The following ATN1 variants were observed in gnomAD, a reference collection of about 807,000 sequenced individuals.
The protein encoded by ATN1 is atrophin 1.
In ATN1, 19 loss-of-function variants were observed where a neutral mutation model predicts 85.8. The observed-to-expected ratio is 0.22, with a 90% CI of 0.15 to 0.32. The LOEUF is 0.32. Among genes scored for constraint, ATN1 ranks in the 10% least tolerant of loss-of-function variants. The pLI is 1.00. For synonymous variants in ATN1, 674 were observed against 657.0 expected, an observed-to-expected ratio of 1.03 and a Z score of -0.39; for missense variants, 1,453 against 1,564.5, an observed-to-expected ratio of 0.93 and a Z score of 1.20.
Position 6,937,643 on chromosome 12 carries a change from G to A in ATN1, c.2294+82G>A, listed in dbSNP as rs1331042250. On this transcript the variant is annotated intron_variant, in intron 5 of 9. Coordinates refer to ENST00000396684, the MANE Select transcript of ATN1 (RefSeq NM_001940.4). This position sits in a 1 kb window ranked among gnomAD's most constrained non-coding sequence, Gnocchi z 6.0. ...GACGAGAGAGGGAGTAGCAGGGAGG[G>A]GCCTTGCGCTGGTGTAGTGTTTTAG... 2 of 1,433,144 alleles carry A rather than the reference G, an allele frequency of 1.4e-6. No homozygotes were observed. Among genetic ancestry groups the A allele is most frequent in the Non-Finnish European group, 1.8e-6 (2 of 1,091,440 alleles). The allele number at this position is 1,433,144 out of a possible 1,614,324, so 88.8% of individuals were successfully genotyped here.
At position 6,941,045 on chromosome 12, in the gene ATN1, G is replaced by A; in HGVS notation, c.3358+22G>A. 1 of 1,613,618 alleles carries A rather than the reference G, an allele frequency of 6.2e-7. No homozygotes were observed. Among genetic ancestry groups the A allele is most frequent in the Non-Finnish European group, 8.5e-7 (1 of 1,179,654 alleles). On this transcript the variant is annotated intron_variant, in intron 8 of 9. Coordinates refer to ENST00000396684, the MANE Select transcript of ATN1 (RefSeq NM_001940.4). This position sits in a 1 kb window ranked among gnomAD's most constrained non-coding sequence, Gnocchi z 5.9. ...TTTGGTAAGGATGGAAGTTGGGGTA[G>A]GCAGCTCCAATGAGAAAAGGGCAGA...
Position 6,941,185 on chromosome 12 carries a change from C to T in ATN1, c.3358+162C>T, listed in dbSNP as rs1343329409. ...GCTGGAGCTCTGCCCAAGAGAAGCA[C>T]GAGTTTTAGTGTCAGCCTAAGAGGT... On this transcript the variant is annotated intron_variant, in intron 8 of 9. Coordinates refer to ENST00000396684, the MANE Select transcript of ATN1 (RefSeq NM_001940.4). The surrounding 1 kb of genome is among the most constrained non-coding windows in gnomAD (Gnocchi z 5.9). Among the ~76,000 whole-genome samples, 5 of 152,154 alleles carry T rather than the reference C, an allele frequency of 3.3e-5. No homozygotes were observed. Among genetic ancestry groups the T allele is most frequent in the African/African-American group, 1.2e-4 (5 of 41,432 alleles).
intron 1 of ATN1, among the ~76,000 whole-genome samples, chr12:6,931,187 C>T (rs1320747529): frequency 1.3e-5 from 2 of 152,192 alleles, no homozygotes; most frequent in African/African-American, 4.8e-5. Context: ...ACTTGGTGAA[C>T]AGGTTCTGTG....
chr12:6,941,332 G>T lies in ATN1; in HGVS notation c.3359-42G>T. 3 of 1,549,266 alleles carry T rather than the reference G, an allele frequency of 1.9e-6. No individual in the cohort carries two copies. The highest frequency in any genetic ancestry group is 2.6e-6 in the Non-Finnish European group (3 of 1,149,034). ...ATCCCCTGGTCCAGAGCAGGTACTT[G>T]TTATCCGTTGGTCATATGCCCCTTG... On this transcript the variant is annotated intron_variant, in intron 8 of 9. Transcript: ENST00000396684. The surrounding 1 kb of genome is among the most constrained non-coding windows in gnomAD (Gnocchi z 5.9).
chr12:6,940,165 T>C (rs1279794502), intron 7 of ATN1, among the ~76,000 whole-genome samples: 4 of 152,176 alleles, frequency 2.6e-5, no homozygotes, highest in African/African-American at 4.8e-5. Context: ...CTAATTTTTG[T>C]ATTTTTAGTA....
Position 6,934,893 on chromosome 12 carries a change from T to TTTTG in ATN1, c.279+327_279+330dup, listed in dbSNP as rs1291598698. Among the ~76,000 whole-genome samples, 3 of 151,860 alleles carry TTTTG rather than the reference T, an allele frequency of 2.0e-5. No individual in the cohort carries two copies. The highest frequency in any genetic ancestry group is 4.1e-4 in the South Asian group (2 of 4,822). On this transcript the variant is annotated intron_variant, in intron 4 of 9. Coordinates refer to ENST00000396684, the MANE Select transcript of ATN1 (RefSeq NM_001940.4). The surrounding 1 kb of genome is among the most constrained non-coding windows in gnomAD (Gnocchi z 4.5). Reference sequence around the variant, plus strand: ...GTGGTCTTTCTTTTTTATTGTTTTTTTTTGTTTGTTTGTTTTTGAGACAGT... The same window carrying TTTTG: ...GTGGTCTTTCTTTTTTATTGTTTTTTTTTGTTTGTTTGTTTGTTTTTGAGACAGT...
Position 6,937,619 on chromosome 12 carries a change from A to G in ATN1, c.2294+58A>G. 6.9e-7 allele frequency: 1 copy of G among 1,448,360 alleles called. No homozygotes were observed. Among genetic ancestry groups the G allele is most frequent in the Non-Finnish European group, 9.1e-7 (1 of 1,101,482 alleles). 89.7% of individuals were successfully genotyped at this position (1,448,360 alleles called of 1,614,324 possible). ...GAAAGGGGACGACGACAAGGCGGCG[A>G]CGAGAGAGGGAGTAGCAGGGAGGGG... On this transcript the variant is annotated intron_variant, in intron 5 of 9. Transcript: ENST00000396684. The surrounding 1 kb of genome is among the most constrained non-coding windows in gnomAD (Gnocchi z 6.0).
Position 6,942,188 on chromosome 12 carries a change from C to G in ATN1, c.*408C>G, listed in dbSNP as rs1555144856. 1 of 228,076 alleles carries G rather than the reference C, an allele frequency of 4.4e-6. No homozygotes were observed. The highest frequency in any genetic ancestry group is 8.8e-6 in the Non-Finnish European group (1 of 113,122). The allele number at this position is 228,076 out of a possible 1,614,324, so 14.1% of individuals were successfully genotyped here. On this transcript the variant is annotated 3_prime_UTR_variant, in exon 10 of 10. Coordinates refer to ENST00000396684, the MANE Select transcript of ATN1 (RefSeq NM_001940.4). ...CCCTCCCCGATCCCTGTGTGCGCGC[C>G]CCCTCTGCAATGTATGCCCCTTGCC... is the stretch of plus-strand genomic sequence containing the variant.
chr12:6,940,757 G>T, intron 7 of ATN1, 123 bp from the exon 8 acceptor site: 1 of 1,247,816 alleles, frequency 8.0e-7, no homozygotes. Context: ...CTCTGCCTTT[G>T]TTCCACTTTG....
upstream of ATN1, among the ~76,000 whole-genome samples, chr12:6,925,242 C>T (rs1194457049): frequency 6.6e-6 from 1 of 152,032 alleles, no homozygotes; most frequent in African/African-American, 2.4e-5. Flanking sequence ...TTTTGTGACT[C>T]TCACCATCCC....
chr12:6,932,174 C>A (rs781865976), intron 1 of ATN1, among the ~76,000 whole-genome samples: 1 of 152,120 alleles, frequency 6.6e-6, no homozygotes, highest in Non-Finnish European at 1.5e-5. Flanking sequence ...AGACTCACCC[C>A]TTACTGCCTG....
chr12:6,940,975 C>T lies in ATN1; in HGVS notation c.3310C>T (p.Leu1104Phe). The T allele has an allele frequency of 1.9e-6, 3 of 1,614,234 alleles. No homozygotes were observed. Among genetic ancestry groups the T allele is most frequent in the Non-Finnish European group, 8.5e-7 (1 of 1,180,042 alleles). Residue 1104 changes from leucine (L) to phenylalanine (F), a missense_variant, in exon 8 of 10, where the codon CTT becomes TTT. Physicochemically the swap from Leu to Phe is conservative, Grantham distance 22. This residue lies in a region of ATN1 where 118 missense variants were observed against 163.7 expected (regional missense o/e 0.72). Transcript: ENST00000396684. ...YPAGTLPNPL[L>F]PHPLHENEVL... ...AGCTGGAACTCTCCCTAACCCCCTG[C>T]TTCCTCACCCTCTGCACGAGAACGA...
chr12:6,939,032 T>A lies in ATN1; in HGVS notation c.3069T>A (p.Ala1023=). 6.2e-7 allele frequency: 1 copy of A among 1,609,556 alleles called. No homozygotes were observed. Among genetic ancestry groups the A allele is most frequent in the Non-Finnish European group, 8.5e-7 (1 of 1,179,986 alleles). ...PDMSYAERLA[A]ERQHAERVAA... ...TGTCCTATGCTGAGCGGCTGGCAGC[T>A]GAGAGGCAGCACGCAGAAAGGGTGG... Residue 1023 remains alanine, a synonymous_variant, in exon 7 of 10, where the codon GCT becomes GCA. Coordinates refer to ENST00000396684, the MANE Select transcript of ATN1 (RefSeq NM_001940.4).
At position 6,935,933 on chromosome 12, in the gene ATN1, G is replaced by A. The variant is rs782422818; in HGVS notation, c.666G>A (p.Gly222=). The A allele has an allele frequency of 1.8e-5, 29 of 1,599,248 alleles. No homozygotes were observed. Among genetic ancestry groups the A allele is most frequent in the Non-Finnish European group, 2.4e-5 (28 of 1,172,000 alleles). ...CCCCTCACCCACAGCTCTATCCTGG[G>A]GGCACTGGTGGAGTTTTGTCTGGAC... ...APPPHPQLYP[G]GTGGVLSGPP... is the part of the protein sequence containing the mutation. Residue 222 remains glycine (G), a synonymous_variant, in exon 5 of 10, where the codon GGG becomes GGA. Transcript: ENST00000396684. This position sits in a 1 kb window ranked among gnomAD's most constrained non-coding sequence, Gnocchi z 5.3.
In ATN1 at chr12:6,941,086, TG is replaced by T; in HGVS notation, c.3358+69del. 4 of 1,520,538 alleles carry T rather than the reference TG, an allele frequency of 2.6e-6. No individual in the cohort carries two copies. Among genetic ancestry groups the T allele is most frequent in the Non-Finnish European group, 2.7e-6 (3 of 1,106,470 alleles). The allele number at this position is 1,520,538 out of a possible 1,614,324, so 94.2% of individuals were successfully genotyped here. On this transcript the variant is annotated intron_variant, in intron 8 of 9. Transcript: ENST00000396684. The surrounding 1 kb of genome is among the most constrained non-coding windows in gnomAD (Gnocchi z 5.9). ...AAAGGGCAGAAAGGAGGTATTTGGGTGGGGGGATGGGCCTAGTTGGGCTTGG... is the reference window on the plus strand; with the variant it reads ...AAAGGGCAGAAAGGAGGTATTTGGGTGGGGGATGGGCCTAGTTGGGCTTGG...
Position 6,934,164 on chromosome 12 carries a change from C to T in ATN1, c.28-12C>T, listed in dbSNP as rs1555143306. The stretch of plus-strand genomic sequence containing the variant: ...AAGAACAGTGTTACCTACCTCCTTC[C>T]TCCTCCTGTAGATGTCAATGAGGAG... On this transcript the variant is annotated splice_polypyrimidine_tract_variant and intron_variant, in intron 2 of 9. Transcript: ENST00000396684. This position sits in a 1 kb window ranked among gnomAD's most constrained non-coding sequence, Gnocchi z 4.5. 1.2e-6 allele frequency: 2 copies of T among 1,613,572 alleles called. No homozygotes were observed. Among genetic ancestry groups the T allele is most frequent in the Admixed American group, 3.3e-5 (2 of 59,876 alleles).
chr12:6,926,794 A>C (rs1156433017), upstream of ATN1, among the ~76,000 whole-genome samples: 1 of 151,764 alleles, frequency 6.6e-6, no homozygotes, highest in Non-Finnish European at 1.5e-5. Flanking sequence ...TTTCCCATCC[A>C]TGATCTTTCC....
Position 6,937,980 on chromosome 12 carries a change from C to T in ATN1, c.2430C>T (p.Arg810=), listed in dbSNP as rs7969685. 1 of 1,552,930 alleles carries T rather than the reference C, an allele frequency of 6.4e-7. No individual in the cohort carries two copies. Among genetic ancestry groups the T allele is most frequent in the Non-Finnish European group, 8.7e-7 (1 of 1,148,972 alleles). The change falls in exon 6 of 10, where the codon CGC becomes CGT. Residue 810 remains arginine, a synonymous_variant. Transcript: ENST00000396684. The surrounding 1 kb of genome is among the most constrained non-coding windows in gnomAD (Gnocchi z 6.0). ...AGGTGCGGCGCGAGGCCGAGCAGCG[C>T]GCGCGCGAAGAAAAGGAGCGCGAGC... The part of the protein sequence containing the change: ...VEKVRREAEQ[R]AREEKERERE...
At chr12:6,940,686 A>G (rs1405312052) in intron 7 of ATN1, among the ~76,000 whole-genome samples, 194 bp from the exon 8 acceptor site, 1 of 151,970 alleles carries the variant, frequency 6.6e-6, no homozygotes, top group Non-Finnish European at 1.5e-5. Context: ...TGTGTCATCC[A>G]TATGTCCCTC....
Sources: gnomAD v4.1 joint callset for allele counts (sites outside exome capture counted in the v4.1 genomes callset) on GRCh38, gnomAD v4.1.1 for gene constraint, gnomAD v4.1.1 regional missense constraint, Gnocchi (gnomAD v3.1) non-coding constraint, MANE v1.5 for transcripts, NCBI Gene and HGNC (gene_info 2026-07-23, HGNC 2026-07-21) for gene names.